ARID4B: variants seen among roughly 807,000 people sequenced by gnomAD.
ARID4B encodes AT-rich interactive domain-containing protein 4B.
In ARID4B, 26 loss-of-function variants were observed where a neutral mutation model predicts 147.5. That is an observed-to-expected ratio of 0.18 (90% CI 0.13 to 0.24). The LOEUF (loss-of-function observed/expected upper bound fraction) is 0.24, where lower values mean the gene tolerates loss of function less well. Among genes scored for constraint, ARID4B ranks in the 10% least tolerant of loss-of-function variants. The pLI, the probability that ARID4B is intolerant of heterozygous loss-of-function variation, is 1.00. For missense variants in ARID4B, 1,179 were observed against 1,511.5 expected, an observed-to-expected ratio of 0.78 and a Z score of 3.65; for synonymous variants, 512 against 507.9, an observed-to-expected ratio of 1.01 and a Z score of -0.11.
At chr1:235,319,970 T>C (rs958568977) in intron 2 of ARID4B, among the ~76,000 whole-genome samples, 4 of 151,878 alleles carry the variant, frequency 2.6e-5, no homozygotes, top group African/African-American at 7.2e-5. Context: ...CTACTAAAAA[T>C]ACAAAAATTA....
chr1:235,222,971 C>A (rs1292591552), intron 13 of ARID4B, among the ~76,000 whole-genome samples, 195 bp downstream of exon 13: 2 of 152,058 alleles, frequency 1.3e-5, no homozygotes, highest in African/African-American at 4.8e-5. Flanking sequence ...GCATGAGCCA[C>A]CATGCCTGGC....
intron 6 of ARID4B, 104 bp from the exon 7 acceptor site, chr1:235,246,615 A>C: frequency 5.3e-6 from 4 of 761,490 alleles, no homozygotes; most frequent in Non-Finnish European, 8.8e-6. Context: ...TTGAGATTAA[A>C]CTCTCCCCCC....
rs148945607 is a variant in ARID4B, at chr1:235,210,083, C to A, written c.1841+3686G>T. 2.4e-3 allele frequency among the ~76,000 whole-genome samples: 363 copies of A among 151,932 alleles called. 1 individual carries two copies. Among genetic ancestry groups the A allele is most frequent in the African/African-American group, 8.4e-3 (349 of 41,462 alleles). On this transcript the variant is annotated intron_variant, in intron 17 of 23. Coordinates refer to ENST00000264183, the MANE Select transcript of ARID4B (RefSeq NM_016374.6). Reference sequence around the variant, plus strand: ...TCTCTACAAAAGATAAAAAATTAGCCAGGTGTGGTGATGCACACCTAGAGT... The same window carrying A: ...TCTCTACAAAAGATAAAAAATTAGCAAGGTGTGGTGATGCACACCTAGAGT...
chr1:235,315,234 G>C (rs1301620390), intron 2 of ARID4B, among the ~76,000 whole-genome samples: 2 of 152,118 alleles, frequency 1.3e-5, no homozygotes, highest in East Asian at 1.9e-4. Flanking sequence ...GACTAGCCTG[G>C]GCAAGATAAG....
rs551770504 is a variant in ARID4B at position 235,314,828 on chromosome 1, A to G, written c.6+12086T>C. 5.8e-4 allele frequency among the ~76,000 whole-genome samples: 89 copies of G among 152,248 alleles called. No homozygotes were observed. In the South Asian group the frequency reaches 0.011, roughly 19 times the overall value. On this transcript the variant is annotated intron_variant, in intron 2 of 23. Transcript: ENST00000264183. ...TTTCGGTATATACATTATTTTGGCT[A>G]TCAATATAAAGTAAATCCTTTCTTT...
At chr1:235,251,298 G>C (rs1171990549) in intron 6 of ARID4B, among the ~76,000 whole-genome samples, 1 of 151,502 alleles carries the variant, frequency 6.6e-6, no homozygotes, top group African/African-American at 2.4e-5. Flanking sequence ...GCTCACGAAA[G>C]ACATAGAGGA....
intron 2 of ARID4B, among the ~76,000 whole-genome samples, chr1:235,286,465 T>G (rs1041955835): frequency 6.6e-6 from 1 of 152,232 alleles, no homozygotes; most frequent in Non-Finnish European, 1.5e-5. Context: ...AGTTACCATA[T>G]GAAGTTAACT....
At chr1:235,204,737 G>A (rs1241853464) in intron 17 of ARID4B, among the ~76,000 whole-genome samples, 1 of 152,262 alleles carries the variant, frequency 6.6e-6, no homozygotes, top group South Asian at 2.1e-4. Flanking sequence ...AGTGTACTTT[G>A]TTAATATTTG....
chr1:235,304,788 T>A (rs1383348825), intron 2 of ARID4B, among the ~76,000 whole-genome samples: 3 of 152,208 alleles, frequency 2.0e-5, no homozygotes, highest in Admixed American at 6.5e-5. Context: ...GCAGAAAGCA[T>A]CTGCTAATTA....
At chr1:235,252,223 T>C (rs1251423921) in intron 6 of ARID4B, among the ~76,000 whole-genome samples, 3 of 152,150 alleles carry the variant, frequency 2.0e-5, no homozygotes, top group Admixed American at 6.5e-5. Context: ...TAAATAATTA[T>C]GTACTCATAT....
intron 2 of ARID4B, among the ~76,000 whole-genome samples, chr1:235,278,355 C>T (rs1424885011): frequency 2.0e-5 from 3 of 152,064 alleles, no homozygotes; most frequent in Non-Finnish European, 4.4e-5. Context: ...ACCTAGCCTC[C>T]GTTCTGCTGG....
intron 20 of ARID4B, among the ~76,000 whole-genome samples, chr1:235,179,525 C>CAAAAAAAAAAAAA (rs61143006): frequency 4.1e-5 from 2 of 48,360 alleles, no homozygotes; most frequent in Non-Finnish European, 4.5e-5. Context: ...CTCTATGTCT[C>CAAAAAAAAAAAAA]AAAAAAAAAA....
rs763328241 is a variant in ARID4B at position 235,213,936 on chromosome 1, A to C, written c.1674T>G (p.Asp558Glu). The change falls in exon 17 of 24, where the codon GAT becomes GAG. Residue 558 changes from aspartate to glutamate, a missense_variant. Asp to Glu is a conservative substitution (Grantham distance 45, BLOSUM62 2). Around this residue, in one of 10 missense-constraint regions of ARID4B, gnomAD observed 204 missense variants for 210.9 expected, o/e 0.97. Coordinates refer to ENST00000264183, the MANE Select transcript of ARID4B (RefSeq NM_016374.6). ...CAAACTCCTCTTCCTCATTGTTGTC[A>C]TCATCATCTTCATCCTCTTCTTCTT... ...EEEEEEDEDD[D>E]DNNEEEEFEC... is the part of the protein sequence containing the mutation. The C allele has an allele frequency of 1.2e-6, 2 of 1,611,876 alleles. No individual in the cohort carries two copies. Among genetic ancestry groups the C allele is most frequent in the African/African-American group, 1.3e-5 (1 of 74,776 alleles).
At chr1:235,284,679 T>G (rs1311604468) in intron 2 of ARID4B, among the ~76,000 whole-genome samples, 1 of 152,074 alleles carries the variant, frequency 6.6e-6, no homozygotes, top group Non-Finnish European at 1.5e-5. Context: ...TTGGAATTAT[T>G]CCCAACTCAT....
In ARID4B at chr1:235,256,173, C is replaced by CA. The variant is rs58486379; in HGVS notation, c.184-424dup. On this transcript the variant is annotated intron_variant, in intron 4 of 23. Coordinates refer to ENST00000264183, the MANE Select transcript of ARID4B (RefSeq NM_016374.6). ...TGGGTGACAGAGCAAGACTCTGCCT[C>CA]AAAAAAAAAAAAAAAAAGTGCCAGC... Among the ~76,000 whole-genome samples, 360 of 92,452 alleles carry CA rather than the reference C, an allele frequency of 3.9e-3. 5 individuals carry two copies. The highest frequency in any genetic ancestry group is 7.7e-3 in the East Asian group (23 of 3,006). The allele number at this position is 92,452 out of a possible 152,430, so 60.7% of individuals were successfully genotyped here.
chr1:235,275,767 T>C (rs1257936889), intron 2 of ARID4B, among the ~76,000 whole-genome samples: 1 of 152,172 alleles, frequency 6.6e-6, no homozygotes, highest in Non-Finnish European at 1.5e-5. Context: ...CCCTGGGATA[T>C]TCAGAACTTA....
intron 2 of ARID4B, among the ~76,000 whole-genome samples, chr1:235,319,069 A>G (rs1424352304): frequency 6.6e-6 from 1 of 152,174 alleles, no homozygotes; most frequent in Non-Finnish European, 1.5e-5. Context: ...GGGAAAGATC[A>G]CTTGACCACA....
chr1:235,223,369 G>GTATATATATATATATATATACACGTATA (rs201240296), intron 12 of ARID4B, 109 bp from the exon 13 acceptor site: 6 of 166,142 alleles, frequency 3.6e-5, no homozygotes, highest in South Asian at 1.6e-4. Context: ...ATATATACAC[G>GTATATATATATATATATATACACGTATA]TATATATATA....
intron 2 of ARID4B, among the ~76,000 whole-genome samples, chr1:235,270,543 A>G (rs2103142639): frequency 6.6e-6 from 1 of 152,328 alleles, no homozygotes; most frequent in East Asian, 1.9e-4. Context: ...ACAAATATTA[A>G]CAGAAGAGTA....
Sources: allele counts gnomAD v4.1 joint callset (sites outside exome capture counted in the v4.1 genomes callset), GRCh38; gene constraint gnomAD v4.1.1; regional missense constraint gnomAD v4.1.1; transcripts MANE v1.5; gene names NCBI Gene and HGNC (gene_info 2026-07-23, HGNC 2026-07-21).